The following SAMMSON variants were observed in gnomAD, a reference collection of about 807,000 sequenced individuals.
SAMMSON encodes long intergenic non-protein coding RNA 1212.
chr3:70,245,075 A>G (rs1701694003), intron 4 of SAMMSON, among the ~76,000 whole-genome samples: 1 of 152,162 alleles, frequency 6.6e-6, no homozygotes, highest in Admixed American at 6.5e-5. Context: ...TTTCATTTTG[A>G]AGAGGAGAAG....
At chr3:70,316,420 G>C (rs1702495026) in intron 7 of SAMMSON, among the ~76,000 whole-genome samples, 1 of 152,054 alleles carries the variant, frequency 6.6e-6, no homozygotes, top group East Asian at 1.9e-4. Context: ...ATCATTTATA[G>C]AGCTCTCTGA....
intron 9 of SAMMSON, among the ~76,000 whole-genome samples, chr3:70,380,326 A>G (rs1435397372): frequency 6.6e-6 from 1 of 152,150 alleles, no homozygotes; most frequent in Non-Finnish European, 1.5e-5. Context: ...AGAAGAAAAA[A>G]GAGATACGAG....
intron 7 of SAMMSON, among the ~76,000 whole-genome samples, chr3:70,347,020 C>T (rs1362985608): frequency 6.6e-6 from 1 of 152,116 alleles, no homozygotes; most frequent in Non-Finnish European, 1.5e-5. Flanking sequence ...CAGATCTTAG[C>T]AGAAGAGAAA....
At chr3:70,127,098 C>T (rs1029202171) in intron 4 of SAMMSON, 3 of 152,170 alleles carry the variant, frequency 2.0e-5, no homozygotes, top group Middle Eastern at 3.4e-3. Flanking sequence ...CTTATGTGAA[C>T]GAATGTTTTA....
At chr3:70,142,242 G>A (rs1037855882) in intron 4 of SAMMSON, among the ~76,000 whole-genome samples, 1 of 152,090 alleles carries the variant, frequency 6.6e-6, no homozygotes, top group African/African-American at 2.4e-5. Flanking sequence ...CATATTTATA[G>A]CAGCACAATT....
chr3:70,256,788 C>T (rs908799371), intron 6 of SAMMSON, among the ~76,000 whole-genome samples: 3 of 152,146 alleles, frequency 2.0e-5, no homozygotes, highest in African/African-American at 7.2e-5. Context: ...GTTAAGAGTT[C>T]TCTAAACATA....
chr3:70,109,653 T>C (rs2067380528), intron 4 of SAMMSON, among the ~76,000 whole-genome samples: 1 of 152,194 alleles, frequency 6.6e-6, no homozygotes, highest in Non-Finnish European at 1.5e-5. Flanking sequence ...TGTGAGATAC[T>C]GATCAAGAGC....
At chr3:70,409,475 A>AG (rs1701201537) in intron 2 of SAMMSON, among the ~76,000 whole-genome samples, 1 of 152,270 alleles carries the variant, frequency 6.6e-6, no homozygotes, top group Non-Finnish European at 1.5e-5. Flanking sequence ...TAAAAAAAAA[A>AG]AAAGAATTAG....
At chr3:70,301,212 A>T (rs1006492091) in intron 7 of SAMMSON, among the ~76,000 whole-genome samples, 1 of 152,132 alleles carries the variant, frequency 6.6e-6, no homozygotes, top group Non-Finnish European at 1.5e-5. Flanking sequence ...ACTCTTTAGC[A>T]TAGTTGTTTT....
At chr3:70,411,589 A>T (rs1435561427) in intron 2 of SAMMSON, among the ~76,000 whole-genome samples, 1 of 152,158 alleles carries the variant, frequency 6.6e-6, no homozygotes, top group East Asian at 1.9e-4. Context: ...AGCTCCCATG[A>T]TCCCTATGTG....
At chr3:70,169,430 A>G (rs1559527220) in intron 4 of SAMMSON, among the ~76,000 whole-genome samples, 2 of 151,964 alleles carry the variant, frequency 1.3e-5, no homozygotes, top group Non-Finnish European at 2.9e-5. Flanking sequence ...CTTATTTGGT[A>G]TGATTTAGGG....
intron 1 of SAMMSON, among the ~76,000 whole-genome samples, chr3:70,010,962 C>T (rs1400920582): frequency 6.6e-6 from 1 of 152,052 alleles, no homozygotes; most frequent in Non-Finnish European, 1.5e-5. Flanking sequence ...CCAACCTTGA[C>T]AGCAGGATTC....
intron 7 of SAMMSON, among the ~76,000 whole-genome samples, chr3:70,330,457 C>G (rs543725370): frequency 1.6e-4 from 25 of 151,958 alleles, no homozygotes; most frequent in African/African-American, 5.5e-4. Context: ...TTATATAATA[C>G]CACTTAATAC....
chr3:70,068,290 A>G (rs902486336), intron 3 of SAMMSON: 1 of 152,080 alleles, frequency 6.6e-6, no homozygotes, highest in Non-Finnish European at 1.5e-5. Context: ...AGACCACAAG[A>G]TATTTAAAAA....
chr3:70,030,605 G>A (rs1438169872), intron 3 of SAMMSON: 1 of 152,110 alleles, frequency 6.6e-6, no homozygotes. Flanking sequence ...TGAGGCTCGG[G>A]AATTTTAAAT....
chr3:70,186,732 T>A (rs1701094909), intron 4 of SAMMSON, among the ~76,000 whole-genome samples: 1 of 152,178 alleles, frequency 6.6e-6, no homozygotes, highest in South Asian at 2.1e-4. Context: ...GAAACAAATA[T>A]CACTAGCATG....
chr3:70,043,919 A>G (rs1219034372), intron 3 of SAMMSON, among the ~76,000 whole-genome samples: 1 of 152,070 alleles, frequency 6.6e-6, no homozygotes, highest in Non-Finnish European at 1.5e-5. Flanking sequence ...ATTAAAAAAA[A>G]TCTAACAAAA....
chr3:70,413,451 G>A (rs943968220), intron 2 of SAMMSON, among the ~76,000 whole-genome samples: 1 of 152,120 alleles, frequency 6.6e-6, no homozygotes, highest in Non-Finnish European at 1.5e-5. Flanking sequence ...TCAGCACCCA[G>A]CTGAAGTGCT....
intron 6 of SAMMSON, among the ~76,000 whole-genome samples, chr3:70,264,533 G>A (rs1010380653): frequency 2.6e-5 from 4 of 152,180 alleles, no homozygotes; most frequent in Non-Finnish European, 5.9e-5. Flanking sequence ...GAATTTATTG[G>A]TGAGCATGGA....
Sources: allele counts gnomAD v4.1 joint callset (sites outside exome capture counted in the v4.1 genomes callset), GRCh38; gene constraint gnomAD v4.1.1; transcripts MANE v1.5; gene names NCBI Gene and HGNC (gene_info 2026-07-23, HGNC 2026-07-21).